Variants in KLHDC4 observed in about 807,000 individuals in gnomAD.
KLHDC4 encodes the protein kelch domain containing 4.
KLHDC4 carries 90 observed loss-of-function variants against 62.4 expected under a neutral mutation model. The ratio of observed to expected loss-of-function variants is 1.44; its 90% CI spans 1.22 to 1.72. KLHDC4 has a LOEUF of 1.72. Among genes scored for constraint, KLHDC4 ranks in the 40% most tolerant of loss-of-function variants. The pLI is 0.00. For synonymous variants in KLHDC4, 386 were observed against 284.4 expected, an observed-to-expected ratio of 1.36 and a Z score of -3.59; for missense variants, 1,025 against 699.7, an observed-to-expected ratio of 1.47 and a Z score of -5.25.
At chr16:87,762,635 A>G (rs943099359) in intron 1 of KLHDC4, among the ~76,000 whole-genome samples, 1 of 152,250 alleles carries the variant, frequency 6.6e-6, no homozygotes, top group Non-Finnish European at 1.5e-5. Context: ...CTGCCTGCAC[A>G]GCAAGAGCTC....
In KLHDC4 at chr16:87,710,687, A is replaced by C. The variant is rs192405172; in HGVS notation, c.1044+548T>G. 2.0e-5 allele frequency: 3 copies of C among 152,712 alleles called. No individual in the cohort carries two copies. The East Asian group carries it at 5.8e-4, about 29-fold the overall frequency. 9.5% of individuals were successfully genotyped at this position (152,712 alleles called of 1,614,324 possible). On this transcript the variant is annotated intron_variant, in intron 9 of 11. Transcript: ENST00000270583. ...CAATTTCCAGCCCAGGTGCCACCACACGTCAAAAGCAGCTTCAGGAGTTTG... is the reference window on the plus strand; with the variant it reads ...CAATTTCCAGCCCAGGTGCCACCACCCGTCAAAAGCAGCTTCAGGAGTTTG...
intron 5 of KLHDC4, chr16:87,742,995 A>C (rs1465254724): frequency 6.6e-6 from 1 of 152,456 alleles, no homozygotes; most frequent in Non-Finnish European, 1.5e-5. Flanking sequence ...GCACCTGCAC[A>C]GGCATCACGC....
At chr16:87,711,862 G>C (rs1251651920) in intron 8 of KLHDC4, among the ~76,000 whole-genome samples, 1 of 148,246 alleles carries the variant, frequency 6.7e-6, no homozygotes, top group Non-Finnish European at 1.5e-5. Flanking sequence ...CCTTGGGCCT[G>C]CACGGGGACC....
intron 5 of KLHDC4, among the ~76,000 whole-genome samples, chr16:87,738,282 T>G (rs150771947): frequency 1.3e-5 from 2 of 152,068 alleles, no homozygotes; most frequent in Non-Finnish European, 2.9e-5. Flanking sequence ...AGATGCAGCT[T>G]TAGCTGAGGA....
At chr16:87,706,125 A>G (rs2034650357), downstream of KLHDC4, among the ~76,000 whole-genome samples, 2 of 135,466 alleles carry the variant, frequency 1.5e-5, no homozygotes, top group South Asian at 5.2e-4. Context: ...AAAAGCAAAC[A>G]CAAGCTGCAG....
rs1014721759 is a variant in KLHDC4, at chr16:87,735,234, A to T, written c.507-4590T>A. On this transcript the variant is annotated intron_variant, in intron 5 of 11. Transcript: ENST00000270583. ...AGAATGGCGTGAACCCGGGAGGCGG[A>T]GCTTGCAGTGAGCAGAGATCGCACC... is the stretch of plus-strand genomic sequence containing the variant. Among the ~76,000 whole-genome samples, 148 of 150,180 alleles carry T rather than the reference A, an allele frequency of 9.9e-4. 1 individual carries two copies. The highest frequency in any genetic ancestry group is 2.7e-3 in the Admixed American group (41 of 14,968).
chr16:87,726,775 T>G lies in KLHDC4; in HGVS notation c.749A>C (p.Tyr250Ser). ...CACCCCCCGCCTTACCTGTTTCGAG[T>G]AGCCCCCATAGACGACGATGCCGCC... The part of the protein sequence containing the change: ...PQGGIVVYGG[Y>S]SKQRVKKDVD... The change falls in exon 7 of 12, where the codon TAC becomes TCC. Residue 250 changes from tyrosine to serine, a missense_variant. By Grantham distance (144) the Tyr-to-Ser change is moderately radical (BLOSUM62 -2). Transcript: ENST00000270583. 6.5e-7 allele frequency: 1 copy of G among 1,533,638 alleles called. No homozygotes were observed. The highest frequency in any genetic ancestry group is 2.0e-5 in the Admixed American group (1 of 50,798).
chr16:87,754,361 A>G (rs563458672), intron 4 of KLHDC4, among the ~76,000 whole-genome samples: 10 of 152,328 alleles, frequency 6.6e-5, no homozygotes, highest in Non-Finnish European at 1.5e-4. Flanking sequence ...CAACAACAAC[A>G]AATACAAGCG....
intron 1 of KLHDC4, chr16:87,763,500 G>A (rs2046180153): frequency 1.3e-5 from 2 of 152,192 alleles, no homozygotes; most frequent in South Asian, 4.1e-4. Context: ...AACTACTCGG[G>A]AGGCTGAGGC....
chr16:87,745,822 C>A (rs1012473560), intron 5 of KLHDC4, among the ~76,000 whole-genome samples: 9 of 152,166 alleles, frequency 5.9e-5, no homozygotes, highest in Non-Finnish European at 1.2e-4. Flanking sequence ...CATCAGCTGT[C>A]AAAGAACATC....
rs746564259 is a variant in KLHDC4, at chr16:87,755,284, CAA to C, written c.277_278del (p.Leu93ValfsTer2). On this transcript the variant is annotated frameshift_variant, in exon 4 of 12. Transcript: ENST00000270583. LOFTEE classifies it high-confidence loss of function. ...TATTGTAGACATAGAGCTCGTTATA[CAA>C]AAAAGTCTACAGGAAGGAAGAAGAA... ...GEYFNGQKTF[L>X]YNELYVYNTR... The C allele has an allele frequency of 3.8e-6, 6 of 1,585,548 alleles. No homozygotes were observed. The highest frequency in any genetic ancestry group is 3.3e-4 in the Middle Eastern group (2 of 6,010).
chr16:87,726,976 G>C (rs762480345), intron 6 of KLHDC4, 52 bp from the exon 7 acceptor site: 15 of 1,585,198 alleles, frequency 9.5e-6, no homozygotes, highest in Non-Finnish European at 1.3e-5. Context: ...GAAAAGCCCT[G>C]ACATTAAAAA....
chr16:87,706,767 C>T (rs1306008571), downstream of KLHDC4, among the ~76,000 whole-genome samples: 2 of 152,190 alleles, frequency 1.3e-5, no homozygotes, highest in African/African-American at 2.4e-5. Flanking sequence ...TGGCCGAGTG[C>T]CCCTGAGATG....
downstream of KLHDC4, among the ~76,000 whole-genome samples, chr16:87,705,185 C>T (rs1046625270): frequency 7.9e-5 from 12 of 152,304 alleles, no homozygotes; most frequent in African/African-American, 2.4e-4. Flanking sequence ...AGCCGCGCCG[C>T]GCCAGCAGCT....
At chr16:87,756,771 C>A (rs1342714029) in intron 2 of KLHDC4, among the ~76,000 whole-genome samples, 2 of 151,458 alleles carry the variant, frequency 1.3e-5, no homozygotes, top group Non-Finnish European at 2.9e-5. Flanking sequence ...AGTCCAGATG[C>A]CCCTACTGAT....
chr16:87,760,681 T>A (rs566079120), intron 2 of KLHDC4, among the ~76,000 whole-genome samples: 1 of 139,346 alleles, frequency 7.2e-6, no homozygotes, highest in South Asian at 2.3e-4. Context: ...TCCTCAGGAG[T>A]GCTATATATC....
At chr16:87,721,058 AC>A (rs1387479993) in intron 7 of KLHDC4, among the ~76,000 whole-genome samples, 1 of 151,488 alleles carries the variant, frequency 6.6e-6, no homozygotes, top group African/African-American at 2.4e-5. Flanking sequence ...CGGCCACTCA[AC>A]CCCCCACAGC....
chr16:87,710,626 G>A (rs11644469), intron 9 of KLHDC4: 3,092 of 152,770 alleles, frequency 0.02, 61 homozygotes, highest in Non-Finnish European at 0.028. Context: ...AGAGCGAGGC[G>A]GACTGTGGGT....
chr16:87,755,173 G>A (rs779884973), intron 4 of KLHDC4, 21 bp downstream of exon 4: 2 of 1,540,934 alleles, frequency 1.3e-6, no homozygotes, highest in Non-Finnish European at 9.0e-7. Flanking sequence ...GAGGGTGGCT[G>A]AGAGTCAGTG....
Sources: gnomAD v4.1 joint callset for allele counts (sites outside exome capture counted in the v4.1 genomes callset) on GRCh38, gnomAD v4.1.1 for gene constraint, MANE v1.5 for transcripts, NCBI Gene and HGNC (gene_info 2026-07-23, HGNC 2026-07-21) for gene names.